XPNPEP1: variants seen among roughly 807,000 people sequenced by gnomAD.
XPNPEP1 encodes the protein X-prolyl aminopeptidase 1.
XPNPEP1 carries 39 observed loss-of-function variants against 92.4 expected under a neutral mutation model. The ratio of observed to expected loss-of-function variants is 0.42; its 90% CI spans 0.33 to 0.55. The LOEUF is 0.55. XPNPEP1 is among the 20% of genes least tolerant of loss of function. XPNPEP1 has a pLI of 0.08. For missense variants in XPNPEP1, 654 were observed against 856.1 expected (o/e 0.76, Z 2.95); for synonymous variants, 307 against 299.4 (o/e 1.03, Z -0.26).
At chr10:109,895,090 A>G (rs1044282155) in intron 3 of XPNPEP1, among the ~76,000 whole-genome samples, 1 of 152,250 alleles carries the variant, frequency 6.6e-6, no homozygotes, top group Non-Finnish European at 1.5e-5. Flanking sequence ...TCTTCTTCCT[A>G]AACAGTGAGA....
intron 20 of XPNPEP1, among the ~76,000 whole-genome samples, chr10:109,865,579 G>A (rs563139946): frequency 1.9e-4 from 29 of 152,326 alleles, no homozygotes; most frequent in Non-Finnish European, 3.8e-4. Flanking sequence ...AGTAGCTCCT[G>A]CTCCCACCTG....
chr10:109,879,309 T>A (rs968886359), intron 12 of XPNPEP1, among the ~76,000 whole-genome samples: 1 of 141,268 alleles, frequency 7.1e-6, no homozygotes, highest in East Asian at 2.2e-4. Flanking sequence ...TGGTGGCTCA[T>A]GCCTGTAATC....
intron 9 of XPNPEP1, 34 bp from the exon 10 acceptor site, chr10:109,882,676 G>C: frequency 1.2e-6 from 2 of 1,610,772 alleles, no homozygotes; most frequent in South Asian, 2.2e-5. Flanking sequence ...GGCAGAAAAA[G>C]GAGGGAACAT....
At chr10:109,909,851 C>T (rs542324317) in intron 2 of XPNPEP1, among the ~76,000 whole-genome samples, 3 of 152,224 alleles carry the variant, frequency 2.0e-5, no homozygotes, top group African/African-American at 7.2e-5. Context: ...TACAGAGTTC[C>T]CATGTAGCTC....
rs1564804081 is a variant in XPNPEP1, at chr10:109,923,472, A to G, written c.-39T>C. On this transcript the variant is annotated 5_prime_UTR_variant, in exon 1 of 21. Transcript: ENST00000502935. ...GCCCCAGCCCACGTCAGGGGAGCGCAGACCAGCTGATCACCCGCGGAAGGG... is the reference window on the plus strand; with the variant it reads ...GCCCCAGCCCACGTCAGGGGAGCGCGGACCAGCTGATCACCCGCGGAAGGG... 1.5e-5 allele frequency: 21 copies of G among 1,374,620 alleles called. 1 individual carries two copies. The South Asian group carries it at 3.1e-4, about 20-fold the overall frequency. The allele number at this position is 1,374,620 out of a possible 1,614,324, so 85.2% of individuals were successfully genotyped here.
At chr10:109,918,398 G>C (rs953397686) in intron 1 of XPNPEP1, among the ~76,000 whole-genome samples, 1 of 152,048 alleles carries the variant, frequency 6.6e-6, no homozygotes. Context: ...TCTAGCCTTG[G>C]TGACACAGAG....
intron 1 of XPNPEP1, among the ~76,000 whole-genome samples, chr10:109,917,917 A>G (rs1218285565): frequency 6.6e-6 from 1 of 152,218 alleles, no homozygotes; most frequent in Non-Finnish European, 1.5e-5. Flanking sequence ...GCAAAAGAAT[A>G]AAGTTTCCAA....
chr10:109,870,630 A>G, intron 18 of XPNPEP1, 101 bp downstream of exon 18: 2 of 1,441,352 alleles, frequency 1.4e-6, no homozygotes, highest in Non-Finnish European at 1.9e-6. Flanking sequence ...AGGGAAAAGT[A>G]TTGCCAATTT....
intron 3 of XPNPEP1, among the ~76,000 whole-genome samples, chr10:109,896,213 T>A (rs1454149963): frequency 6.6e-6 from 1 of 152,044 alleles, no homozygotes; most frequent in Non-Finnish European, 1.5e-5. Context: ...TACCCAGCTA[T>A]AATAGCCACC....
intron 16 of XPNPEP1, 37 bp downstream of exon 16, chr10:109,873,330 C>CAGAGGTCCTCA (rs1157918371): frequency 2.5e-6 from 4 of 1,606,052 alleles, no homozygotes; most frequent in Non-Finnish European, 3.4e-6. Context: ...CTTAAGAAAG[C>CAGAGGTCCTCA]AGAGAGGACC....
chr10:109,882,415 A>C lies in XPNPEP1; in HGVS notation c.1041+17T>G, dbSNP rs548907897. ...GGGGGTGGCAGAGTTTAGATGGGCC[A>C]AAGTGGGGTCACCAACCTTGGGGAT... On this transcript the variant is annotated intron_variant, in intron 10 of 20. Transcript: ENST00000502935. The C allele has an allele frequency of 5.6e-6, 9 of 1,606,962 alleles. No homozygotes were observed. The East Asian group carries it at 1.8e-4, about 32-fold the overall frequency.
intron 1 of XPNPEP1, among the ~76,000 whole-genome samples, chr10:109,918,901 AAG>A (rs1850363995): frequency 1.4e-5 from 2 of 143,100 alleles, no homozygotes; most frequent in Non-Finnish European, 3.1e-5. Flanking sequence ...GGAAGGAAGG[AAG>A]GAAGGAAGGA....
intron 2 of XPNPEP1, among the ~76,000 whole-genome samples, chr10:109,913,926 C>A (rs1460142637): frequency 6.6e-6 from 1 of 152,176 alleles, no homozygotes; most frequent in Non-Finnish European, 1.5e-5. Flanking sequence ...CCTCCTTCCT[C>A]TGCTACCTCC....
intron 1 of XPNPEP1, among the ~76,000 whole-genome samples, chr10:109,915,424 T>C (rs1343006672): frequency 6.6e-6 from 1 of 152,202 alleles, no homozygotes; most frequent in Non-Finnish European, 1.5e-5. Flanking sequence ...TGCCCGTTCT[T>C]TCTTTATGGT....
At chr10:109,900,100 G>T (rs1849201324) in intron 3 of XPNPEP1, among the ~76,000 whole-genome samples, 1 of 152,220 alleles carries the variant, frequency 6.6e-6, no homozygotes, top group South Asian at 2.1e-4. Context: ...GAGAGAAGCA[G>T]ACCACTGCAG....
chr10:109,866,236 C>G (rs1331397733), intron 20 of XPNPEP1, among the ~76,000 whole-genome samples: 1 of 152,146 alleles, frequency 6.6e-6, no homozygotes, highest in Non-Finnish European at 1.5e-5. Context: ...AGCCAGGTAC[C>G]AAAGCCCAGC....
At position 109,896,698 on chromosome 10, in the gene XPNPEP1, T is replaced by C. The variant is rs116459138; in HGVS notation, c.247-3623A>G. ...TGTCCCTGCACTCAGCACAGGTGAC[T>C]AGATCCTCAACCCACATTTGTATTA... is the stretch of plus-strand genomic sequence containing the variant. On this transcript the variant is annotated intron_variant, in intron 3 of 20. Transcript: ENST00000502935. Among the ~76,000 whole-genome samples the C allele has an allele frequency of 3.3e-3, 509 of 152,212 alleles. 2 individuals carry two copies. Among genetic ancestry groups the C allele is most frequent in the African/African-American group, 0.012 (482 of 41,524 alleles).
intron 2 of XPNPEP1, among the ~76,000 whole-genome samples, chr10:109,913,284 T>C (rs994823683): frequency 3.9e-5 from 6 of 152,236 alleles, no homozygotes; most frequent in Admixed American, 2.0e-4. Context: ...AAATTAAACA[T>C]GATAATGTGT....
At chr10:109,875,205 C>A (rs1847715787) in intron 15 of XPNPEP1, among the ~76,000 whole-genome samples, 1 of 152,190 alleles carries the variant, frequency 6.6e-6, no homozygotes. Context: ...GTACAGGGAA[C>A]CGGCAGGCGG....
Sources: allele counts gnomAD v4.1 joint callset (sites outside exome capture counted in the v4.1 genomes callset), GRCh38; gene constraint gnomAD v4.1.1; transcripts MANE v1.5; gene names NCBI Gene and HGNC (gene_info 2026-07-23, HGNC 2026-07-21).